The following SLC12A8 variants were observed in gnomAD, a reference collection of about 807,000 sequenced individuals.
SLC12A8 encodes the protein solute carrier family 12 member 8, also known as cation-chloride cotransporter 9.
In SLC12A8, 69 loss-of-function variants were observed where a neutral mutation model predicts 75.6. The ratio of observed to expected loss-of-function variants is 0.91; its 90% CI spans 0.75 to 1.11. The LOEUF is 1.11. SLC12A8 is among the 50% of genes most tolerant of loss of function. The probability of loss-of-function intolerance (pLI) is 0.00; values close to 1 mark genes in which losing one functional copy is unlikely to be tolerated. For synonymous variants in SLC12A8, 365 were observed against 372.8 expected, an observed-to-expected ratio of 0.98 and a Z score of 0.24; for missense variants, 877 against 896.7, an observed-to-expected ratio of 0.98 and a Z score of 0.28.
chr3:125,121,357 G>C (rs1045794407), intron 6 of SLC12A8, among the ~76,000 whole-genome samples: 10 of 152,200 alleles, frequency 6.6e-5, no homozygotes, highest in Admixed American at 3.9e-4. Context: ...ATATATGAAA[G>C]CAACAAGACA....
At chr3:125,162,558 C>T (rs1934198254) in intron 5 of SLC12A8, among the ~76,000 whole-genome samples, 1 of 152,238 alleles carries the variant, frequency 6.6e-6, no homozygotes, top group Admixed American at 6.5e-5. Context: ...CCCTTAGCAC[C>T]AGCGAGGACT....
intron 5 of SLC12A8, among the ~76,000 whole-genome samples, chr3:125,146,119 T>G (rs1172305289): frequency 1.3e-5 from 2 of 152,364 alleles, no homozygotes; most frequent in South Asian, 2.1e-4. Flanking sequence ...CATGAGCCAC[T>G]GCGCCTGGCC....
intron 6 of SLC12A8, among the ~76,000 whole-genome samples, chr3:125,133,861 C>A (rs1232023450): frequency 2.6e-5 from 4 of 152,182 alleles, no homozygotes; most frequent in Non-Finnish European, 2.9e-5. Flanking sequence ...GCACAAGCCA[C>A]CACGCCAGGC....
rs1407794581 is a variant in SLC12A8 at position 125,177,838 on chromosome 3, A to T, written c.527T>A (p.Val176Asp). 9.3e-6 allele frequency: 15 copies of T among 1,614,036 alleles called. No homozygotes were observed. The highest frequency in any genetic ancestry group is 1.3e-5 in the African/African-American group (1 of 74,910). The change falls in exon 5 of 14, where the codon GTC (valine) becomes GAC (aspartate). Residue 176 changes from valine to aspartate, a missense_variant. Coordinates refer to ENST00000469902, the MANE Select transcript of SLC12A8 (RefSeq NM_024628.6). Reference sequence around the variant, plus strand: ...CAGCTGGAGGCGGATTATCCATTTGACACCTGCGAGGTTAATGCCCAGCAA... The same window carrying T: ...CAGCTGGAGGCGGATTATCCATTTGTCACCTGCGAGGTTAATGCCCAGCAA... ...LALLGINLAGVKWIIRLQLLL... is the reference protein window; with the variant it reads ...LALLGINLAGDKWIIRLQLLL...
intron 6 of SLC12A8, among the ~76,000 whole-genome samples, chr3:125,126,559 C>T (rs557855123): frequency 6.6e-6 from 1 of 152,310 alleles, no homozygotes; most frequent in Non-Finnish European, 1.5e-5. Context: ...TACTTATCAC[C>T]AATTACCACA....
chr3:125,147,971 CATT>C (rs2107769241), intron 5 of SLC12A8, among the ~76,000 whole-genome samples: 1 of 152,256 alleles, frequency 6.6e-6, no homozygotes, highest in East Asian at 1.9e-4. Flanking sequence ...CTCTTATAAA[CATT>C]ATCTTATTTT....
intron 12 of SLC12A8, among the ~76,000 whole-genome samples, chr3:125,090,456 C>G (rs567404575): frequency 6.6e-6 from 1 of 152,280 alleles, no homozygotes; most frequent in East Asian, 1.9e-4. Flanking sequence ...TAGTGTTATT[C>G]AAGTCTTCTG....
rs182316513 is a variant in SLC12A8 at position 125,089,679 on chromosome 3, C to A, written c.1922-1309G>T. ...ATCAGACTATTCTAATTCTGAAGAA[C>A]CTTTTTCTCTTTTTTTTTTTTTTTT... is the stretch of plus-strand genomic sequence containing the variant. On this transcript the variant is annotated intron_variant, in intron 12 of 13. Transcript: ENST00000469902. 4.1e-3 allele frequency among the ~76,000 whole-genome samples: 264 copies of A among 64,798 alleles called. 1 individual carries two copies. The highest frequency in any genetic ancestry group is 9.7e-3 in the Admixed American group (56 of 5,756). 42.5% of individuals were successfully genotyped at this position (64,798 alleles called of 152,430 possible). A position where few individuals can be genotyped will look rare whatever the true frequency, so the allele number is the denominator to read the frequency against.
chr3:125,163,427 G>GA (rs1177419915), intron 5 of SLC12A8, among the ~76,000 whole-genome samples: 1 of 150,824 alleles, frequency 6.6e-6, no homozygotes, highest in Non-Finnish European at 1.5e-5. Flanking sequence ...CTAACACGGT[G>GA]AAACCCCGTC....
chr3:125,115,452 G>T (rs1245802014), intron 8 of SLC12A8, among the ~76,000 whole-genome samples: 2 of 152,142 alleles, frequency 1.3e-5, no homozygotes, highest in African/African-American at 4.8e-5. Context: ...GAACCTGGGA[G>T]GTGGAGGTTG....
chr3:125,211,329 C>T lies in SLC12A8; in HGVS notation c.21G>A (p.Val7=). 1 of 1,613,836 alleles carries T rather than the reference C, an allele frequency of 6.2e-7. No homozygotes were observed. The highest frequency in any genetic ancestry group is 1.1e-5 in the South Asian group (1 of 91,086). Residue 7 remains valine, a synonymous_variant, in exon 2 of 14, where the codon GTG becomes GTA. Transcript: ENST00000469902. MTQMSQ[V]QELFHEAAQQ... ...GGGCTGCCTCATGGAAGAGCTCCTG[C>T]ACCTGGGACATCTGGGTCATTCTCC...
At chr3:125,181,417 A>G (rs548247210) in intron 4 of SLC12A8, among the ~76,000 whole-genome samples, 1 of 149,742 alleles carries the variant, frequency 6.7e-6, no homozygotes, top group African/African-American at 2.4e-5. Flanking sequence ...CTGGCTAACA[A>G]GGTGAAACCC....
intron 10 of SLC12A8, among the ~76,000 whole-genome samples, chr3:125,093,325 T>C (rs2333042): frequency 0.028 from 4,268 of 152,260 alleles, 148 homozygotes; most frequent in East Asian, 0.099. Flanking sequence ...CCCTTCTCTG[T>C]TCTCCAATAT....
intron 5 of SLC12A8, among the ~76,000 whole-genome samples, chr3:125,163,073 A>G (rs555645800): frequency 1.3e-5 from 2 of 150,124 alleles, no homozygotes; most frequent in Admixed American, 6.6e-5. Flanking sequence ...GGAGGCCAAG[A>G]CAGGTGGACT....
chr3:125,128,631 C>T (rs1933278004), intron 6 of SLC12A8, among the ~76,000 whole-genome samples: 2 of 152,140 alleles, frequency 1.3e-5, no homozygotes, highest in African/African-American at 4.8e-5. Flanking sequence ...AGGCTTGAGC[C>T]ACTGCACCCA....
At chr3:125,178,848 T>G (rs1416930306) in intron 4 of SLC12A8, among the ~76,000 whole-genome samples, 4 of 152,254 alleles carry the variant, frequency 2.6e-5, no homozygotes, top group African/African-American at 4.8e-5. Flanking sequence ...ATAAAATCCC[T>G]GCTCCAGGTT....
chr3:125,139,830 A>G (rs1210141070), intron 5 of SLC12A8, among the ~76,000 whole-genome samples: 2 of 152,172 alleles, frequency 1.3e-5, no homozygotes, highest in African/African-American at 2.4e-5. Context: ...AAGGTTCCTA[A>G]TTCTTTTAGT....
chr3:125,096,026 C>T (rs992791451), intron 10 of SLC12A8, among the ~76,000 whole-genome samples: 4 of 152,174 alleles, frequency 2.6e-5, no homozygotes, highest in African/African-American at 9.7e-5. Context: ...TACAGCACTG[C>T]CCCCGCTTTC....
chr3:125,088,798 A>G (rs922955312), intron 12 of SLC12A8, among the ~76,000 whole-genome samples: 7 of 152,202 alleles, frequency 4.6e-5, no homozygotes, highest in African/African-American at 1.7e-4. Context: ...TATAATCATC[A>G]CAGTACCTCA....
Sources: allele counts gnomAD v4.1 joint callset (sites outside exome capture counted in the v4.1 genomes callset), GRCh38; gene constraint gnomAD v4.1.1; transcripts MANE v1.5; gene names NCBI Gene and HGNC (gene_info 2026-07-23, HGNC 2026-07-21).